Variants in BACH2 observed in about 807,000 individuals in gnomAD.
BACH2 encodes transcription regulator protein BACH2.
In BACH2, 5 loss-of-function variants were observed where a neutral mutation model predicts 61.8. That is an observed-to-expected ratio of 0.08 (90% CI 0.04 to 0.17). BACH2 has a LOEUF of 0.17. BACH2 is among the 10% of genes least tolerant of loss of function. The pLI is 1.00. For missense variants in BACH2, 824 were observed against 1,091.1 expected, an observed-to-expected ratio of 0.76 and a Z score of 3.45; for synonymous variants, 446 against 440.1, an observed-to-expected ratio of 1.01 and a Z score of -0.17.
chr6:90,044,411 T>C (rs985513785), intron 5 of BACH2, among the ~76,000 whole-genome samples: 2 of 152,068 alleles, frequency 1.3e-5, no homozygotes, highest in Non-Finnish European at 2.9e-5. Context: ...GCATGGAGGA[T>C]AGTGGCCAGC....
At chr6:89,991,451 T>C (rs1228950988) in intron 6 of BACH2, among the ~76,000 whole-genome samples, 1 of 152,156 alleles carries the variant, frequency 6.6e-6, no homozygotes, top group African/African-American at 2.4e-5. Context: ...ATCTATACAG[T>C]CCTGTTCACG....
chr6:90,093,586 T>C (rs1234219702), intron 4 of BACH2, among the ~76,000 whole-genome samples: 1 of 152,218 alleles, frequency 6.6e-6, no homozygotes, highest in Non-Finnish European at 1.5e-5. Flanking sequence ...AATAGCCACA[T>C]ATTGTTAGTG....
At chr6:90,252,092 T>G (rs930629322) in intron 3 of BACH2, among the ~76,000 whole-genome samples, 3 of 152,180 alleles carry the variant, frequency 2.0e-5, no homozygotes, top group Non-Finnish European at 4.4e-5. Flanking sequence ...GTAACAAAAC[T>G]GGAGTAGCCA....
In BACH2 at chr6:90,020,839, G is replaced by A. The variant is rs73752864; in HGVS notation, c.-12-11983C>T. On this transcript the variant is annotated intron_variant, in intron 5 of 8. Coordinates refer to ENST00000257749, the MANE Select transcript of BACH2 (RefSeq NM_021813.4). ...CTGAAATCTGCAGCAGGACCCATGG[G>A]ATCTAAGAATGAAATGGTTTATAGT... 9.1e-3 allele frequency among the ~76,000 whole-genome samples: 1,385 copies of A among 152,202 alleles called. 20 individuals carry two copies. The highest frequency in any genetic ancestry group is 0.031 in the African/African-American group (1,272 of 41,512).
intron 3 of BACH2, among the ~76,000 whole-genome samples, chr6:90,233,894 A>C (rs1402436983): frequency 6.6e-6 from 1 of 152,172 alleles, no homozygotes; most frequent in African/African-American, 2.4e-5. Context: ...AAGAAAGAGG[A>C]CCACTAGCCT....
At chr6:90,089,993 A>T (rs537648023) in intron 4 of BACH2, among the ~76,000 whole-genome samples, 74 of 152,100 alleles carry the variant, frequency 4.9e-4, no homozygotes, top group Non-Finnish European at 9.6e-4. Flanking sequence ...ACAAAACAAA[A>T]CCCCTTTTGA....
At chr6:89,953,416 A>G (rs1335140445) in intron 6 of BACH2, among the ~76,000 whole-genome samples, 2 of 152,220 alleles carry the variant, frequency 1.3e-5, no homozygotes, top group East Asian at 1.9e-4. Flanking sequence ...AAAGTACTCA[A>G]GTAAGATTCC....
chr6:90,185,285 C>G (rs1768316690), intron 4 of BACH2, among the ~76,000 whole-genome samples: 1 of 152,150 alleles, frequency 6.6e-6, no homozygotes, highest in South Asian at 2.1e-4. Flanking sequence ...TGACTTTTTA[C>G]ACATTAAATG....
At chr6:90,293,227 T>C (rs1202149247) in intron 1 of BACH2, among the ~76,000 whole-genome samples, 1 of 152,210 alleles carries the variant, frequency 6.6e-6, no homozygotes, top group Non-Finnish European at 1.5e-5. Context: ...TATTTATTTA[T>C]CTAAGTATTC....
At chr6:89,962,970 T>A (rs1470541649) in intron 6 of BACH2, among the ~76,000 whole-genome samples, 1 of 152,158 alleles carries the variant, frequency 6.6e-6, no homozygotes, top group Non-Finnish European at 1.5e-5. Flanking sequence ...ATATACCTAG[T>A]AAAGGGTTGA....
intron 3 of BACH2, among the ~76,000 whole-genome samples, chr6:90,220,958 C>A (rs1769716956): frequency 6.6e-6 from 1 of 152,124 alleles, no homozygotes; most frequent in Non-Finnish European, 1.5e-5. Flanking sequence ...ATACAAGGAT[C>A]CCTGAGTGGG....
At chr6:89,942,221 AT>A (rs1480289782) in intron 7 of BACH2, among the ~76,000 whole-genome samples, 1 of 152,194 alleles carries the variant, frequency 6.6e-6, no homozygotes, top group Non-Finnish European at 1.5e-5. Flanking sequence ...ACTTGACCAC[AT>A]CCAAGTTGTT....
At chr6:89,940,510 G>T (rs909253835) in intron 7 of BACH2, among the ~76,000 whole-genome samples, 21 of 152,176 alleles carry the variant, frequency 1.4e-4, no homozygotes, top group Admixed American at 1.2e-3. Flanking sequence ...GTTCAGTCTG[G>T]TCCTGCTTCA....
intron 1 of BACH2, among the ~76,000 whole-genome samples, chr6:90,273,970 C>T (rs563863616): frequency 6.6e-6 from 1 of 152,332 alleles, no homozygotes; most frequent in South Asian, 2.1e-4. Context: ...CAGGCGTAAA[C>T]ATTAGTTCCC....
intron 4 of BACH2, among the ~76,000 whole-genome samples, chr6:90,178,981 AT>A (rs1264678043): frequency 6.6e-6 from 1 of 152,140 alleles, no homozygotes; most frequent in Non-Finnish European, 1.5e-5. Context: ...AATGGTTTAC[AT>A]TTTTTATGAC....
chr6:90,139,804 G>C (rs537023364), intron 4 of BACH2, among the ~76,000 whole-genome samples: 4 of 152,238 alleles, frequency 2.6e-5, no homozygotes, highest in African/African-American at 9.6e-5. Context: ...AATGAGACTA[G>C]AGAAGTAAAA....
chr6:90,014,276 G>C (rs1582197619), intron 5 of BACH2, among the ~76,000 whole-genome samples: 1 of 145,288 alleles, frequency 6.9e-6, no homozygotes, highest in South Asian at 2.2e-4. Flanking sequence ...TTTTCTAAAA[G>C]CTTTTTTTTT....
intron 5 of BACH2, among the ~76,000 whole-genome samples, chr6:90,012,583 T>C (rs1469559668): frequency 2.0e-5 from 3 of 151,018 alleles, no homozygotes; most frequent in East Asian, 4.0e-4. Flanking sequence ...GAGCTGAGAT[T>C]GCGCCACTGC....
intron 4 of BACH2, among the ~76,000 whole-genome samples, chr6:90,176,606 A>G (rs1191298569): frequency 1.3e-5 from 2 of 152,154 alleles, no homozygotes; most frequent in African/African-American, 4.8e-5. Context: ...GGCAGAAAAG[A>G]GGGGCCCATC....
Sources: allele counts gnomAD v4.1 joint callset (sites outside exome capture counted in the v4.1 genomes callset), GRCh38; gene constraint gnomAD v4.1.1; transcripts MANE v1.5; gene names NCBI Gene and HGNC (gene_info 2026-07-23, HGNC 2026-07-21).